DMD: variants seen among roughly 807,000 people sequenced by gnomAD.
The protein encoded by DMD is dystrophin.
A neutral mutation model predicts 330.1 loss-of-function variants in DMD; 63 were observed. The observed-to-expected ratio is 0.19, with a 90% CI of 0.16 to 0.24. DMD has a LOEUF of 0.24. DMD is among the 10% of genes least tolerant of loss of function. The pLI is 1.00. For synonymous variants in DMD, 1,223 were observed against 959.8 expected, an observed-to-expected ratio of 1.27 and a Z score of -5.07; for missense variants, 3,344 against 2,684.1, an observed-to-expected ratio of 1.25 and a Z score of -5.43.
At position 31,221,717 on chromosome X, in the gene DMD, T is replaced by A. The variant is rs573699900; in HGVS notation, c.9361+1330A>T. 2.7e-5 allele frequency among the ~76,000 whole-genome samples: 3 copies of A among 112,860 alleles called. No individual in the cohort carries two copies. The South Asian group carries it at 1.1e-3, about 41-fold the overall frequency. ...CTTATGTCTACAAATTTCATGAACA[T>A]CCTGGTTATCCCTTGTTAGACTGTA... On this transcript the variant is annotated intron_variant, in intron 64 of 78. Transcript: ENST00000357033.
intron 43 of DMD, among the ~76,000 whole-genome samples, chrX:32,234,533 C>T (rs2097180658): frequency 9.0e-6 from 1 of 111,144 alleles, no homozygotes; most frequent in African/African-American, 3.3e-5. Context: ...AGAATTTTCA[C>T]CCAATATTTT....
At chrX:32,561,541 C>T (rs757565034) in intron 16 of DMD, among the ~76,000 whole-genome samples, 38 of 111,498 alleles carry the variant, frequency 3.4e-4, no homozygotes, top group Non-Finnish European at 6.0e-4. Context: ...GTTTGGGGAA[C>T]CTGAAAGAGA....
At chrX:32,792,483 T>A (rs954134579) in intron 7 of DMD, among the ~76,000 whole-genome samples, 1 of 112,122 alleles carries the variant, frequency 8.9e-6, no homozygotes, top group Non-Finnish European at 1.9e-5. Context: ...TAATGTTGAA[T>A]GTAAATTGAT....
chrX:32,172,068 C>A (rs2096889623), intron 44 of DMD, among the ~76,000 whole-genome samples: 1 of 111,120 alleles, frequency 9.0e-6, no homozygotes, highest in Admixed American at 9.6e-5. Context: ...AAATGAAAGC[C>A]CAGTAGATTA....
intron 48 of DMD, among the ~76,000 whole-genome samples, chrX:31,839,046 CTGA>C (rs934714936): frequency 8.9e-6 from 1 of 111,755 alleles, no homozygotes; most frequent in Non-Finnish European, 1.9e-5. Context: ...CCCTACCTCT[CTGA>C]TAATAGAGAA....
At chrX:32,949,338 G>A (rs760075705) in intron 2 of DMD, among the ~76,000 whole-genome samples, 1 of 80,923 alleles carries the variant, frequency 1.2e-5, no homozygotes, top group African/African-American at 4.8e-5. Flanking sequence ...AGGTAGGTAG[G>A]TAGGTAGATA....
intron 7 of DMD, among the ~76,000 whole-genome samples, chrX:32,803,376 G>A (rs189457935): frequency 0.02 from 2,128 of 108,062 alleles, 52 homozygotes; most frequent in African/African-American, 0.068. Flanking sequence ...TTTTTAGTCT[G>A]GCTAGCCATC....
intron 44 of DMD, among the ~76,000 whole-genome samples, chrX:32,029,878 T>G (rs1252177538): frequency 8.9e-6 from 1 of 111,806 alleles, no homozygotes; most frequent in African/African-American, 3.3e-5. Flanking sequence ...ACATTGACAT[T>G]GTGCTCATTA....
intron 16 of DMD, among the ~76,000 whole-genome samples, chrX:32,558,333 A>C (rs1390313568): frequency 8.9e-6 from 1 of 111,964 alleles, no homozygotes; most frequent in Non-Finnish European, 1.9e-5. Flanking sequence ...ACCATCTAAC[A>C]CTGAAGTAAT....
At chrX:31,216,540 T>C (rs1038354344) in intron 64 of DMD, among the ~76,000 whole-genome samples, 3 of 112,404 alleles carry the variant, frequency 2.7e-5, no homozygotes, top group Non-Finnish European at 3.8e-5. Context: ...ACATGGTATA[T>C]AGAAAAAGTA....
chrX:31,618,682 A>G (rs1486785301), intron 55 of DMD, among the ~76,000 whole-genome samples: 1 of 111,828 alleles, frequency 8.9e-6, no homozygotes, highest in African/African-American at 3.3e-5. Flanking sequence ...TGACTTTTCT[A>G]TATATTCGGG....
At chrX:32,406,626 T>A (rs1025851434) in intron 30 of DMD, among the ~76,000 whole-genome samples, 168 of 111,323 alleles carry the variant, frequency 1.5e-3, no homozygotes, top group Non-Finnish European at 2.3e-3. Flanking sequence ...GTGCATAAGC[T>A]TTTTGATGTG....
intron 7 of DMD, among the ~76,000 whole-genome samples, chrX:32,771,022 A>G (rs1050476196): frequency 9.8e-5 from 11 of 111,792 alleles, no homozygotes; most frequent in Non-Finnish European, 1.7e-4. Flanking sequence ...TCCATATTAA[A>G]GGATCAGCAA....
At chrX:31,320,952 T>C (rs1043276355) in intron 62 of DMD, among the ~76,000 whole-genome samples, 3 of 111,394 alleles carry the variant, frequency 2.7e-5, no homozygotes, top group African/African-American at 9.8e-5. Context: ...CCTATTGTTC[T>C]CTCTCTCTTA....
intron 1 of DMD, among the ~76,000 whole-genome samples, chrX:33,247,494 T>C (rs5972792): frequency 1.9e-3 from 209 of 111,826 alleles, no homozygotes; most frequent in African/African-American, 6.6e-3. Flanking sequence ...GAATGAGAAG[T>C]GTATTGAAAA....
chrX:31,746,772 G>T (rs190172831), intron 51 of DMD, among the ~76,000 whole-genome samples: 2 of 110,519 alleles, frequency 1.8e-5, no homozygotes. Flanking sequence ...TGTGAAACAG[G>T]AGTGCATGTG....
intron 44 of DMD, among the ~76,000 whole-genome samples, chrX:32,056,528 A>C (rs1025052619): frequency 2.7e-5 from 3 of 110,858 alleles, no homozygotes; most frequent in African/African-American, 6.5e-5. Flanking sequence ...CCTAGAAAAA[A>C]ATGAACAAAT....
intron 7 of DMD, among the ~76,000 whole-genome samples, chrX:32,747,587 T>G (rs767853186): frequency 2.0e-4 from 23 of 112,298 alleles, no homozygotes; most frequent in Non-Finnish European, 1.1e-4. Context: ...GTTTAAGCAA[T>G]CCTGATCCTC....
intron 60 of DMD, among the ~76,000 whole-genome samples, chrX:31,391,495 A>G (rs2060682123): frequency 1.8e-5 from 2 of 111,845 alleles, no homozygotes; most frequent in African/African-American, 6.5e-5. Context: ...GGCACGTCCA[A>G]AAATATTTCT....
Sources: allele counts gnomAD v4.1 joint callset (sites outside exome capture counted in the v4.1 genomes callset), GRCh38; gene constraint gnomAD v4.1.1; transcripts MANE v1.5; gene names NCBI Gene and HGNC (gene_info 2026-07-23, HGNC 2026-07-21).